Variants in ARHGAP15 observed in about 807,000 individuals in gnomAD.
ARHGAP15 encodes Rho GTPase activating protein 15, also known as rho GTPase-activating protein 15.
A neutral mutation model predicts 63.7 loss-of-function variants in ARHGAP15; 51 were observed. The ratio of observed to expected loss-of-function variants is 0.80; its 90% CI spans 0.64 to 1.01. The LOEUF is 1.01. Among genes scored for constraint, ARHGAP15 ranks in the 50% least tolerant of loss-of-function variants. The pLI, the probability that ARHGAP15 is intolerant of heterozygous loss-of-function variation, is 0.00. For missense variants in ARHGAP15, 560 were observed against 564.6 expected, an observed-to-expected ratio of 0.99 and a Z score of 0.08; for synonymous variants, 191 against 193.8, an observed-to-expected ratio of 0.99 and a Z score of 0.12.
intron 6 of ARHGAP15, among the ~76,000 whole-genome samples, chr2:143,351,735 A>G (rs952593690): frequency 2.6e-5 from 4 of 152,178 alleles, no homozygotes; most frequent in African/African-American, 9.7e-5. Context: ...TCTTGTGTCT[A>G]CATCAGTAAG....
chr2:143,225,621 A>G (rs1354482764), intron 4 of ARHGAP15, among the ~76,000 whole-genome samples: 1 of 152,110 alleles, frequency 6.6e-6, no homozygotes, highest in Non-Finnish European at 1.5e-5. Flanking sequence ...ACAAAACAAA[A>G]CAAAACAAAA....
chr2:143,372,290 C>T (rs536154164), intron 6 of ARHGAP15, among the ~76,000 whole-genome samples: 18 of 148,408 alleles, frequency 1.2e-4, no homozygotes, highest in African/African-American at 3.0e-4. Context: ...CTGCAGTGAG[C>T]CGTGATGGTG....
intron 12 of ARHGAP15, among the ~76,000 whole-genome samples, chr2:143,668,351 A>T (rs1433135571): frequency 1.3e-5 from 2 of 151,546 alleles, no homozygotes; most frequent in Non-Finnish European, 2.9e-5. Context: ...GGCAGCTTTC[A>T]GCTCTGAATG....
At chr2:143,451,805 C>T (rs982773553) in intron 8 of ARHGAP15, among the ~76,000 whole-genome samples, 1 of 151,954 alleles carries the variant, frequency 6.6e-6, no homozygotes, top group Non-Finnish European at 1.5e-5. Context: ...TAATAAATCA[C>T]TCATATGGAT....
intron 12 of ARHGAP15, among the ~76,000 whole-genome samples, chr2:143,632,864 G>A (rs994888272): frequency 7.9e-5 from 12 of 152,020 alleles, no homozygotes; most frequent in Non-Finnish European, 1.3e-4. Flanking sequence ...AACTATTTCT[G>A]ATGCATCATC....
At chr2:143,728,743 G>A (rs777643077) in intron 13 of ARHGAP15, among the ~76,000 whole-genome samples, 13 of 152,160 alleles carry the variant, frequency 8.5e-5, no homozygotes, top group South Asian at 4.2e-4. Context: ...GCCCCACCCC[G>A]CCTTCAGGGA....
chr2:143,713,147 G>T (rs375515098), intron 13 of ARHGAP15, among the ~76,000 whole-genome samples: 1 of 152,162 alleles, frequency 6.6e-6, no homozygotes, highest in Non-Finnish European at 1.5e-5. Flanking sequence ...CATACCCAAG[G>T]CTGGGAAGAA....
At chr2:143,248,986 A>G (rs1679991122) in intron 5 of ARHGAP15, among the ~76,000 whole-genome samples, 3 of 152,178 alleles carry the variant, frequency 2.0e-5, no homozygotes, top group Admixed American at 2.0e-4. Flanking sequence ...CCCCTAATGT[A>G]ATTAAATCTA....
intron 11 of ARHGAP15, among the ~76,000 whole-genome samples, chr2:143,599,313 A>G (rs1299548295): frequency 1.3e-5 from 2 of 152,164 alleles, no homozygotes; most frequent in Non-Finnish European, 2.9e-5. Context: ...TGAGAGCTTT[A>G]ATAGTGTTGT....
At chr2:143,449,745 G>A (rs771669621) in intron 8 of ARHGAP15, among the ~76,000 whole-genome samples, 2 of 151,922 alleles carry the variant, frequency 1.3e-5, no homozygotes, top group African/African-American at 2.4e-5. Context: ...CTCTTAGTAG[G>A]GTGAGATTTC....
intron 6 of ARHGAP15, among the ~76,000 whole-genome samples, chr2:143,291,683 A>C (rs1013326715): frequency 6.6e-6 from 1 of 152,090 alleles, no homozygotes; most frequent in Non-Finnish European, 1.5e-5. Context: ...ACCTGGTAAG[A>C]CTAGCACTCA....
At chr2:143,651,501 T>C (rs890293189) in intron 12 of ARHGAP15, among the ~76,000 whole-genome samples, 3 of 152,036 alleles carry the variant, frequency 2.0e-5, no homozygotes, top group Non-Finnish European at 4.4e-5. Flanking sequence ...GTGGTCAGTT[T>C]GGGCTTATTA....
At chr2:143,258,852 A>G (rs1680562632) in intron 6 of ARHGAP15, among the ~76,000 whole-genome samples, 1 of 152,140 alleles carries the variant, frequency 6.6e-6, no homozygotes, top group Admixed American at 6.6e-5. Flanking sequence ...CTAACATTGC[A>G]TTTCCGGCAC....
intron 12 of ARHGAP15, among the ~76,000 whole-genome samples, chr2:143,644,942 A>G (rs1197781585): frequency 6.6e-6 from 1 of 152,112 alleles, no homozygotes; most frequent in Admixed American, 6.6e-5. Flanking sequence ...AACAGAAAGT[A>G]TAGAAAACTG....
chr2:143,354,435 C>T (rs1020016422), intron 6 of ARHGAP15, among the ~76,000 whole-genome samples: 1 of 152,064 alleles, frequency 6.6e-6, no homozygotes, highest in Non-Finnish European at 1.5e-5. Context: ...GCTTAGCTAG[C>T]AAACAAAACA....
At chr2:143,236,574 G>A (rs1032579539) in intron 5 of ARHGAP15, 1 of 152,142 alleles carries the variant, frequency 6.6e-6, no homozygotes, top group Admixed American at 6.6e-5. Flanking sequence ...GGCATGAACA[G>A]AGACATGGCG....
chr2:143,596,607 T>C (rs1697528306), intron 11 of ARHGAP15, among the ~76,000 whole-genome samples: 1 of 152,126 alleles, frequency 6.6e-6, no homozygotes, highest in African/African-American at 2.4e-5. Flanking sequence ...TAAAATAATC[T>C]CTGAAAGTAA....
intron 11 of ARHGAP15, among the ~76,000 whole-genome samples, chr2:143,603,906 A>T (rs1331351400): frequency 6.6e-6 from 1 of 152,142 alleles, no homozygotes; most frequent in African/African-American, 2.4e-5. Flanking sequence ...TTCCTCATCT[A>T]CCAATGTGAA....
At position 143,407,037 on chromosome 2, in the gene ARHGAP15, C is replaced by T. The variant is rs542950939; in HGVS notation, c.475-28564C>T. On this transcript the variant is annotated intron_variant, in intron 6 of 13. Transcript: ENST00000295095. ...CTTAGAAATGGAGTCTAGCTGAGTT[C>T]CTACATGGAGGAAAAAAATCTGGTG... Among the ~76,000 whole-genome samples the T allele has an allele frequency of 1.6e-4, 25 of 151,990 alleles. 2 individuals are homozygous for T. The South Asian group carries it at 3.3e-3, about 20-fold the overall frequency.
Sources: gnomAD v4.1 joint callset for allele counts (sites outside exome capture counted in the v4.1 genomes callset) on GRCh38, gnomAD v4.1.1 for gene constraint, MANE v1.5 for transcripts, NCBI Gene and HGNC (gene_info 2026-07-23, HGNC 2026-07-21) for gene names.